Variants in KBTBD12 observed in about 807,000 individuals in gnomAD.
The protein encoded by KBTBD12 is kelch repeat and BTB domain-containing protein 12.
Under a neutral mutation model 58.7 loss-of-function variants are expected in KBTBD12, and 53 were observed. That is an observed-to-expected ratio of 0.90 (90% CI 0.72 to 1.14). The LOEUF is 1.14. Ranked by LOEUF, KBTBD12 falls within the 50% of genes most tolerant of loss-of-function variation. The pLI is 0.00. For synonymous variants in KBTBD12, 236 were observed against 259.8 expected (o/e 0.91, Z 0.88); for missense variants, 704 against 751.3 (o/e 0.94, Z 0.74).
At chr3:127,973,780 A>G (rs1359818657) in intron 5 of KBTBD12, among the ~76,000 whole-genome samples, 1 of 152,204 alleles carries the variant, frequency 6.6e-6, no homozygotes, top group Non-Finnish European at 1.5e-5. Context: ...AAATTTCTCA[A>G]AATAAAAAAC....
intron 5 of KBTBD12, among the ~76,000 whole-genome samples, chr3:127,976,793 A>C (rs1055076365): frequency 6.6e-6 from 1 of 152,148 alleles, no homozygotes; most frequent in Non-Finnish European, 1.5e-5. Flanking sequence ...ATGCTGTTTC[A>C]TTGTGTGTAT....
chr3:127,959,180 GAAT>G (rs1471728122), intron 4 of KBTBD12, among the ~76,000 whole-genome samples: 2 of 152,190 alleles, frequency 1.3e-5, no homozygotes, highest in African/African-American at 4.8e-5. Flanking sequence ...TATTAGCAGT[GAAT>G]AGATCATGTC....
chr3:127,939,388 C>A (rs751484584), intron 4 of KBTBD12, among the ~76,000 whole-genome samples: 1 of 151,906 alleles, frequency 6.6e-6, no homozygotes, highest in Non-Finnish European at 1.5e-5. Flanking sequence ...AAAAAGGGAA[C>A]ATTTGGGAAC....
chr3:127,921,082 T>C (rs1410421448), intron 1 of KBTBD12, among the ~76,000 whole-genome samples: 1 of 152,122 alleles, frequency 6.6e-6, no homozygotes, highest in Non-Finnish European at 1.5e-5. Context: ...AATATATAGA[T>C]ATATCCTGCT....
chr3:127,963,507 T>G lies in KBTBD12; in HGVS notation c.1690+121T>G. ...GTGAGCACTGCAAAAGCATGGCTTT[T>G]AGAGTCAGGGACCCTGTGCAAAACC... On this transcript the variant is annotated intron_variant, in intron 5 of 5. Coordinates refer to ENST00000405109, the MANE Select transcript of KBTBD12 (RefSeq NM_207335.4). The G allele has an allele frequency of 8.3e-6, 8 of 964,684 alleles. 1 individual carries two copies. In the South Asian group the frequency reaches 1.4e-4, roughly 17 times the overall value. The allele number at this position is 964,684 out of a possible 1,614,324, so 59.8% of individuals were successfully genotyped here.
At position 127,987,022 on chromosome 3, in the gene KBTBD12, T is replaced by C. The variant is rs73207405; in HGVS notation, c.*2744T>C. The C allele has an allele frequency of 0.015, 2,253 of 152,464 alleles. 25 individuals carry two copies. The highest frequency in any genetic ancestry group is 0.025 in the Non-Finnish European group (1,713 of 68,162). The allele number at this position is 152,464 out of a possible 1,614,324, so 9.4% of individuals were successfully genotyped here. ...CCTGTCTAATGCGAGGTCTGGGCAG[T>C]GTCCCAGTGGAACTTTCCAGAGAGT... On this transcript the variant is annotated 3_prime_UTR_variant, in exon 6 of 6. Transcript: ENST00000405109.
At chr3:127,982,056 T>G (rs1940883766) in intron 5 of KBTBD12, among the ~76,000 whole-genome samples, 1 of 152,140 alleles carries the variant, frequency 6.6e-6, no homozygotes, top group Non-Finnish European at 1.5e-5. Context: ...ACCCCTACCC[T>G]TCCCCACCTC....
At chr3:127,920,294 A>T (rs1939367098) in intron 1 of KBTBD12, among the ~76,000 whole-genome samples, 1 of 152,052 alleles carries the variant, frequency 6.6e-6, no homozygotes, top group Admixed American at 6.5e-5. Flanking sequence ...TATTAGAAAT[A>T]TATCAGTGGT....
rs1940940697 is a variant in KBTBD12 at position 127,984,994 on chromosome 3, G to A, written c.*716G>A. 1 of 152,442 alleles carries A rather than the reference G, an allele frequency of 6.6e-6. No individual in the cohort carries two copies. 9.4% of individuals were successfully genotyped at this position (152,442 alleles called of 1,614,324 possible). A position where few individuals can be genotyped will look rare whatever the true frequency, so the allele number is the denominator to read the frequency against. The stretch of plus-strand genomic sequence containing the variant: ...GTACTACCAGCCCCTAACAACCAAG[G>A]CACTCAAGCCAGACCACAGTGGCCA... On this transcript the variant is annotated 3_prime_UTR_variant, in exon 6 of 6. Coordinates refer to ENST00000405109, the MANE Select transcript of KBTBD12 (RefSeq NM_207335.4).
intron 2 of KBTBD12, among the ~76,000 whole-genome samples, chr3:127,926,655 G>GA (rs949173593): frequency 1.3e-5 from 2 of 152,094 alleles, no homozygotes; most frequent in South Asian, 2.1e-4. Context: ...TAGACAACTG[G>GA]AAAAAACTCC....
intron 1 of KBTBD12, among the ~76,000 whole-genome samples, chr3:127,919,173 T>C (rs1388724871): frequency 6.6e-6 from 1 of 152,136 alleles, no homozygotes; most frequent in Non-Finnish European, 1.5e-5. Context: ...ATCAACTCTA[T>C]CATGATTATA....
At chr3:127,917,863 A>G (rs1939292894) in intron 1 of KBTBD12, among the ~76,000 whole-genome samples, 2 of 152,230 alleles carry the variant, frequency 1.3e-5, no homozygotes, top group Admixed American at 1.3e-4. Flanking sequence ...CATTAATTTA[A>G]TTGAACAAAC....
chr3:127,963,120 G>T, intron 4 of KBTBD12, 69 bp from the exon 5 acceptor site: 2 of 1,311,662 alleles, frequency 1.5e-6, no homozygotes, highest in East Asian at 2.5e-5. Flanking sequence ...AAACCATGCA[G>T]GGGGCAGTGC....
In KBTBD12 at chr3:127,927,919, A is replaced by C; in HGVS notation, c.1226A>C (p.Tyr409Ser). 1 of 1,613,484 alleles carries C rather than the reference A, an allele frequency of 6.2e-7. No individual in the cohort carries two copies. The highest frequency in any genetic ancestry group is 8.5e-7 in the Non-Finnish European group (1 of 1,179,584). ...CTTATTACAAACTGTGTTGATAAGT[A>C]CTCTGTAGAACGGGACAATTGGAAA... ...QYLITNCVDK[Y>S]SVERDNWKRV... is the part of the protein sequence containing the mutation. The change falls in exon 3 of 6, where the codon TAC (tyrosine) becomes TCC (serine). Residue 409 changes from tyrosine (Y) to serine (S), a missense_variant. Transcript: ENST00000405109.
chr3:127,956,798 AG>A (rs1159740315), intron 4 of KBTBD12, among the ~76,000 whole-genome samples: 1 of 152,262 alleles, frequency 6.6e-6, no homozygotes, highest in Non-Finnish European at 1.5e-5. Context: ...AAATTGTTAA[AG>A]AAAAAGAAAA....
chr3:127,920,227 T>C (rs1224038579), intron 1 of KBTBD12, among the ~76,000 whole-genome samples: 1 of 152,198 alleles, frequency 6.6e-6, no homozygotes, highest in Non-Finnish European at 1.5e-5. Flanking sequence ...TCATACTTAC[T>C]TTGTTGAAAT....
At chr3:127,968,167 A>G (rs796467721) in intron 5 of KBTBD12, among the ~76,000 whole-genome samples, 8 of 152,208 alleles carry the variant, frequency 5.3e-5, no homozygotes, top group Admixed American at 2.0e-4. Context: ...ACTGTCTTTC[A>G]TCTCTGACCC....
At chr3:127,917,950 A>G (rs75860877) in intron 1 of KBTBD12, among the ~76,000 whole-genome samples, 1 of 152,304 alleles carries the variant, frequency 6.6e-6, no homozygotes, top group East Asian at 1.9e-4. Flanking sequence ...TGGCTCAAGC[A>G]TATAATCCTA....
intron 5 of KBTBD12, among the ~76,000 whole-genome samples, chr3:127,966,245 G>A (rs13066952): frequency 0.36 from 54,970 of 151,984 alleles, 10,178 homozygotes; most frequent in African/African-American, 0.43. Context: ...TTCTTCTCTG[G>A]GGGTCTGACC....
Sources: allele counts gnomAD v4.1 joint callset (sites outside exome capture counted in the v4.1 genomes callset), GRCh38; gene constraint gnomAD v4.1.1; transcripts MANE v1.5; gene names NCBI Gene and HGNC (gene_info 2026-07-23, HGNC 2026-07-21).